The following TIAM1 variants were observed in gnomAD, a reference collection of about 807,000 sequenced individuals.
TIAM1 encodes the protein rho guanine nucleotide exchange factor TIAM1.
In TIAM1, 65 loss-of-function variants were observed where a neutral mutation model predicts 163.5. The ratio of observed to expected loss-of-function variants is 0.40; its 90% confidence interval spans 0.33 to 0.49. The LOEUF (loss-of-function observed/expected upper bound fraction) is 0.49, where lower values mean the gene tolerates loss of function less well. Ranked by LOEUF, TIAM1 falls within the 20% of genes least tolerant of loss-of-function variation. The pLI is 0.77. For synonymous variants in TIAM1, 833 were observed against 810.1 expected (o/e 1.03, Z -0.48); for missense variants, 1,789 against 2,044.7 (o/e 0.87, Z 2.41).
intron 12 of TIAM1, among the ~76,000 whole-genome samples, chr21:31,199,930 C>CA (rs2086107996): frequency 6.7e-6 from 1 of 149,652 alleles, no homozygotes; most frequent in Admixed American, 6.6e-5. Context: ...AAAAAACACA[C>CA]AAAAAATAAA....
chr21:31,459,164 G>T (rs2045229542), intron 2 of TIAM1, among the ~76,000 whole-genome samples: 1 of 152,172 alleles, frequency 6.6e-6, no homozygotes, highest in Non-Finnish European at 1.5e-5. Context: ...CTGTCACCCA[G>T]GCTGACTGCA....
At chr21:31,382,230 G>A (rs776298318) in intron 2 of TIAM1, among the ~76,000 whole-genome samples, 1 of 152,234 alleles carries the variant, frequency 6.6e-6, no homozygotes, top group East Asian at 1.9e-4. Flanking sequence ...GGGGCTAGAT[G>A]TTTGAACGCT....
At position 31,402,276 on chromosome 21, in the gene TIAM1, G is replaced by C. The variant is rs183140191; in HGVS notation, c.-369+61707C>G. 3.9e-3 allele frequency among the ~76,000 whole-genome samples: 598 copies of C among 152,130 alleles called. 5 individuals are homozygous for C. Among genetic ancestry groups the C allele is most frequent in the African/African-American group, 0.014 (579 of 41,494 alleles). ...TGTGAGACTAAGACAGTTACCTAGA[G>C]GAAAGGTCAGGTAGTATTGGACTAG... On this transcript the variant is annotated intron_variant, in intron 2 of 28. Coordinates refer to the TIAM1 transcript ENST00000286827.
At chr21:31,357,258 G>C (rs935244879) in intron 2 of TIAM1, among the ~76,000 whole-genome samples, 9 of 152,122 alleles carry the variant, frequency 5.9e-5, no homozygotes, top group African/African-American at 2.2e-4. Flanking sequence ...AAAATTCTCT[G>C]TCTATTCCCT....
chr21:31,457,774 C>T (rs2045162486), intron 2 of TIAM1, among the ~76,000 whole-genome samples: 1 of 152,180 alleles, frequency 6.6e-6, no homozygotes, highest in Admixed American at 6.5e-5. Context: ...GGATCTCAAC[C>T]AGGGTAATCT....
intron 1 of TIAM1, among the ~76,000 whole-genome samples, chr21:31,513,146 T>C (rs2047268590): frequency 6.6e-6 from 1 of 152,214 alleles, no homozygotes; most frequent in African/African-American, 2.4e-5. Context: ...TTAATAAACA[T>C]TTTCACACAT....
chr21:31,525,950 C>G (rs890333105), intron 1 of TIAM1, among the ~76,000 whole-genome samples: 7 of 150,396 alleles, frequency 4.7e-5, no homozygotes, highest in African/African-American at 7.4e-5. Flanking sequence ...AGGAGAATCG[C>G]TTGAACCCGG....
chr21:31,178,340 G>A (rs959604658), intron 15 of TIAM1, among the ~76,000 whole-genome samples: 1 of 118,322 alleles, frequency 8.5e-6, no homozygotes, highest in African/African-American at 3.2e-5. Context: ...ACGGAGTCTC[G>A]CTATCGCCCA....
intron 2 of TIAM1, among the ~76,000 whole-genome samples, chr21:31,445,924 TGTTTTTATTTTTA>T (rs2044606647): frequency 1.3e-5 from 2 of 152,190 alleles, no homozygotes; most frequent in Middle Eastern, 6.8e-3. Context: ...GGACTATGTT[TGTTTTTATTTTTA>T]TTTTTTATTT....
chr21:31,504,520 G>A (rs2046964501), intron 1 of TIAM1, among the ~76,000 whole-genome samples: 2 of 152,160 alleles, frequency 1.3e-5, no homozygotes, highest in Non-Finnish European at 2.9e-5. Flanking sequence ...TGGGGAGCTG[G>A]GATCTAGGTC....
chr21:31,488,728 A>T (rs2046357225), intron 1 of TIAM1, among the ~76,000 whole-genome samples: 1 of 152,170 alleles, frequency 6.6e-6, no homozygotes, highest in African/African-American at 2.4e-5. Context: ...CATCCCCATG[A>T]TTCAATTATC....
Position 31,437,347 on chromosome 21 carries a change from C to T in TIAM1, c.-369+26636G>A, listed in dbSNP as rs550323086. On this transcript the variant is annotated intron_variant, in intron 2 of 28. Coordinates refer to the TIAM1 transcript ENST00000286827. ...GTGAAACCCATCTCTACTAAAAGTA[C>T]AAAAATTAGCTGGACGTGGTGGCAG... is the stretch of plus-strand genomic sequence containing the variant. 2.6e-5 allele frequency among the ~76,000 whole-genome samples: 4 copies of T among 152,076 alleles called. No individual in the cohort carries two copies. In the South Asian group the frequency reaches 6.2e-4, roughly 24 times the overall value.
intron 2 of TIAM1, among the ~76,000 whole-genome samples, chr21:31,328,383 T>C (rs1346615412): frequency 6.6e-6 from 1 of 152,114 alleles, no homozygotes; most frequent in Non-Finnish European, 1.5e-5. Context: ...TTTTATTTTA[T>C]TTTTTGAGAC....
At chr21:31,286,320 T>A (rs145867045) in intron 2 of TIAM1, among the ~76,000 whole-genome samples, 1 of 152,032 alleles carries the variant, frequency 6.6e-6, no homozygotes, top group Non-Finnish European at 1.5e-5. Flanking sequence ...TCCTAGCATG[T>A]TGGGAGGCTG....
At chr21:31,243,209 A>AAAATATATAT (rs59419171) in intron 6 of TIAM1, among the ~76,000 whole-genome samples, 2 of 117,276 alleles carry the variant, frequency 1.7e-5, no homozygotes, top group African/African-American at 7.5e-5. Flanking sequence ...AAAAAAAAAA[A>AAAATATATAT]ATATATATAT....
intron 1 of TIAM1, among the ~76,000 whole-genome samples, chr21:31,537,047 C>T (rs987006849): frequency 6.6e-6 from 1 of 152,242 alleles, no homozygotes; most frequent in Non-Finnish European, 1.5e-5. Flanking sequence ...TAGCTCCGGG[C>T]GGCTTCTTGG....
chr21:31,556,328 C>G (rs1030679241), intron 1 of TIAM1, among the ~76,000 whole-genome samples: 2 of 152,172 alleles, frequency 1.3e-5, no homozygotes, highest in Non-Finnish European at 2.9e-5. Flanking sequence ...AGATTCCACT[C>G]GGGGTAACTG....
intron 1 of TIAM1, among the ~76,000 whole-genome samples, chr21:31,556,137 G>A (rs1202833836): frequency 6.6e-6 from 1 of 152,154 alleles, no homozygotes; most frequent in Non-Finnish European, 1.5e-5. Flanking sequence ...CAACAGCAGG[G>A]GGGAAAGAGG....
At chr21:31,313,288 G>A (rs780017924) in intron 2 of TIAM1, among the ~76,000 whole-genome samples, 10 of 152,114 alleles carry the variant, frequency 6.6e-5, no homozygotes, top group East Asian at 3.9e-4. Context: ...AAGTACTTCC[G>A]GAGGGGGATG....
Sources: gnomAD v4.1 joint callset for allele counts (sites outside exome capture counted in the v4.1 genomes callset) on GRCh38, gnomAD v4.1.1 for gene constraint, MANE v1.5 for transcripts, NCBI Gene and HGNC (gene_info 2026-07-23, HGNC 2026-07-21) for gene names.